KAZN: variants seen among roughly 807,000 people sequenced by gnomAD.
KAZN encodes the protein kazrin, periplakin interacting protein.
In KAZN, 40 loss-of-function variants were observed where a neutral mutation model predicts 87.4. The ratio of observed to expected loss-of-function variants is 0.46; its 90% CI spans 0.36 to 0.60. KAZN has a LOEUF of 0.60. Among genes scored for constraint, KAZN ranks in the 20% least tolerant of loss-of-function variants. The pLI is 0.00. For synonymous variants in KAZN, 466 were observed against 458.3 expected (o/e 1.02, Z -0.22); for missense variants, 898 against 1,073.9 (o/e 0.84, Z 2.29).
At chr1:14,480,182 G>A (rs137948599) in intron 2 of KAZN, among the ~76,000 whole-genome samples, 43 of 152,316 alleles carry the variant, frequency 2.8e-4, no homozygotes, top group African/African-American at 9.1e-4. Context: ...CTCTGTGCCC[G>A]CAGGCAGGCA....
chr1:14,202,934 T>C (rs1231620671), intron 2 of KAZN, among the ~76,000 whole-genome samples: 1 of 152,000 alleles, frequency 6.6e-6, no homozygotes, highest in Non-Finnish European at 1.5e-5. Context: ...GGAGAATTGC[T>C]TGAACCTGGG....
intron 1 of KAZN, among the ~76,000 whole-genome samples, chr1:14,100,452 A>C (rs1451900226): frequency 6.6e-6 from 1 of 152,208 alleles, no homozygotes; most frequent in African/African-American, 2.4e-5. Flanking sequence ...TCCGAAGCAA[A>C]ATCAGCAAAG....
intron 2 of KAZN, among the ~76,000 whole-genome samples, chr1:15,001,956 C>T (rs1327370247): frequency 7.0e-6 from 1 of 142,984 alleles, no homozygotes; most frequent in Non-Finnish European, 1.5e-5. Context: ...TCTCGGCTCA[C>T]TGCAAGCTCC....
At chr1:14,894,223 C>G (rs1655023048) in intron 1 of KAZN, among the ~76,000 whole-genome samples, 1 of 152,172 alleles carries the variant, frequency 6.6e-6, no homozygotes. Context: ...CCTACAGTTT[C>G]TGCCGCAGCC....
intron 1 of KAZN, among the ~76,000 whole-genome samples, chr1:13,926,344 G>A (rs1640276016): frequency 6.6e-6 from 1 of 152,162 alleles, no homozygotes; most frequent in Admixed American, 6.5e-5. Context: ...CACTCTTAGT[G>A]TGGTGGCAAC....
intron 2 of KAZN, among the ~76,000 whole-genome samples, chr1:14,472,248 A>G (rs1446881109): frequency 6.6e-6 from 1 of 152,206 alleles, no homozygotes; most frequent in Non-Finnish European, 1.5e-5. Context: ...AATTTTGGCC[A>G]TACAGAAACG....
In KAZN at chr1:14,099,012, G is replaced by A. The variant is rs184729278; in HGVS notation, c.92-81423G>A. Among the ~76,000 whole-genome samples, 455 of 152,260 alleles carry A rather than the reference G, an allele frequency of 3.0e-3. 6 individuals carry two copies. The highest frequency in any genetic ancestry group is 0.011 in the African/African-American group (438 of 41,558). On this transcript the variant is annotated intron_variant, in intron 1 of 16. Transcript: ENST00000636203. ...TCAGGGTTTAGGGTTTGGAGCCTGG[G>A]CTAAGGCTTGGTGGGGAGAAAGGAG...
chr1:14,899,979 G>A lies in KAZN; in HGVS notation c.227-60705G>A, dbSNP rs539044548. On this transcript the variant is annotated intron_variant, in intron 1 of 14. Transcript: ENST00000376030. The stretch of plus-strand genomic sequence containing the variant: ...CTTCTCAAGTAATGTCTGTCGTCCC[G>A]CATTCTTCTTCCCGTTCCGGCCCTG... Among the ~76,000 whole-genome samples the A allele has an allele frequency of 8.5e-5, 13 of 152,218 alleles. No individual in the cohort carries two copies. In the East Asian group the frequency reaches 2.3e-3, roughly 27 times the overall value.
intron 2 of KAZN, among the ~76,000 whole-genome samples, chr1:14,373,850 CTAAG>C (rs1029558824): frequency 2.6e-5 from 4 of 152,152 alleles, no homozygotes; most frequent in African/African-American, 9.7e-5. Flanking sequence ...TGCCTCTTCA[CTAAG>C]TAAGATGTAA....
chr1:14,552,438 A>C (rs927466643), intron 2 of KAZN, among the ~76,000 whole-genome samples: 1 of 152,200 alleles, frequency 6.6e-6, no homozygotes. Context: ...CCCTTCCGGC[A>C]ACCGGCAGTC....
chr1:14,669,153 C>G (rs748467228), intron 1 of KAZN, among the ~76,000 whole-genome samples: 1 of 152,176 alleles, frequency 6.6e-6, no homozygotes, highest in East Asian at 1.9e-4. Context: ...GGGGTGCAGC[C>G]ACCATCCACC....
chr1:14,486,395 A>G (rs1314556124), intron 2 of KAZN, among the ~76,000 whole-genome samples: 2 of 152,162 alleles, frequency 1.3e-5, no homozygotes, highest in Admixed American at 6.5e-5. Context: ...GTCCTCACCA[A>G]CTGTGGCTTG....
intron 2 of KAZN, among the ~76,000 whole-genome samples, chr1:14,582,748 A>AT (rs1310742946): frequency 2.0e-5 from 3 of 152,180 alleles, no homozygotes; most frequent in African/African-American, 7.2e-5. Flanking sequence ...AATCTTAAGA[A>AT]TTTTCTTGAT....
chr1:14,594,457 G>A (rs1676369551), upstream of KAZN, among the ~76,000 whole-genome samples: 1 of 152,188 alleles, frequency 6.6e-6, no homozygotes, highest in Admixed American at 6.5e-5. Flanking sequence ...CGTAGAGGCT[G>A]GTGACCACAT....
intron 2 of KAZN, among the ~76,000 whole-genome samples, chr1:14,197,366 A>G (rs1302454232): frequency 2.4e-5 from 2 of 84,392 alleles, no homozygotes; most frequent in Non-Finnish European, 5.0e-5. Flanking sequence ...AGATCTTTTA[A>G]ATTAAAAAAA....
chr1:13,919,383 T>G (rs932228259), intron 1 of KAZN, among the ~76,000 whole-genome samples: 2 of 152,246 alleles, frequency 1.3e-5, no homozygotes, highest in East Asian at 3.8e-4. Context: ...CAGCAGTAGT[T>G]GGCTCTTTTT....
intron 2 of KAZN, among the ~76,000 whole-genome samples, chr1:14,293,674 G>GA (rs111764330): frequency 0.025 from 3,621 of 142,824 alleles, 140 homozygotes; most frequent in African/African-American, 0.082. Context: ...TAGGTGTACA[G>GA]AAAAAAAAAA....
chr1:14,581,573 C>T (rs1168534688), intron 2 of KAZN, among the ~76,000 whole-genome samples: 1 of 152,160 alleles, frequency 6.6e-6, no homozygotes, highest in Admixed American at 6.5e-5. Context: ...CTCTACTCAA[C>T]ACCGGTCAGT....
At chr1:14,704,273 A>T (rs1237464250) in intron 1 of KAZN, among the ~76,000 whole-genome samples, 1 of 152,226 alleles carries the variant, frequency 6.6e-6, no homozygotes, top group Non-Finnish European at 1.5e-5. Flanking sequence ...GGATCCTGTT[A>T]TGCAGGGGCT....
Sources: allele counts gnomAD v4.1 joint callset (sites outside exome capture counted in the v4.1 genomes callset), GRCh38; gene constraint gnomAD v4.1.1; transcripts MANE v1.5; gene names NCBI Gene and HGNC (gene_info 2026-07-23, HGNC 2026-07-21).